Variants in AMPH observed in about 807,000 individuals in gnomAD.
AMPH encodes amphiphysin.
A neutral mutation model predicts 99.1 loss-of-function variants in AMPH; 49 were observed. The observed-to-expected ratio is 0.49, with a 90% CI of 0.39 to 0.63. The LOEUF (loss-of-function observed/expected upper bound fraction) is 0.63, where lower values mean the gene tolerates loss of function less well. Among genes scored for constraint, AMPH ranks in the 20% least tolerant of loss-of-function variants. The pLI, the probability that AMPH is intolerant of heterozygous loss-of-function variation, is 0.00. For missense variants in AMPH, 759 were observed against 863.4 expected, an observed-to-expected ratio of 0.88 and a Z score of 1.52; for synonymous variants, 314 against 317.3, an observed-to-expected ratio of 0.99 and a Z score of 0.11.
intron 16 of AMPH, among the ~76,000 whole-genome samples, chr7:38,420,453 G>A (rs988922815): frequency 1.2e-4 from 18 of 152,154 alleles, no homozygotes; most frequent in African/African-American, 4.3e-4. Context: ...GGAGTGCTGA[G>A]AATGATTTCC....
At position 38,461,273 on chromosome 7, in the gene AMPH, A is replaced by G. The variant is rs201791183; in HGVS notation, c.1017+10T>C. On this transcript the variant is annotated intron_variant, in intron 11 of 20. Coordinates refer to ENST00000356264, the MANE Select transcript of AMPH (RefSeq NM_001635.4). ...TTCATGGACATACCAGCCCTGAACC[A>G]GGCACTTACCTGGGAAGGTGTTGTC... 3.8e-3 allele frequency: 6,151 copies of G among 1,613,586 alleles called. 207 individuals carry two copies. The African/African-American group carries it at 0.073, about 19-fold the overall frequency.
intron 20 of AMPH, among the ~76,000 whole-genome samples, chr7:38,385,776 C>A (rs767718857): frequency 1.3e-5 from 2 of 152,148 alleles, no homozygotes; most frequent in Non-Finnish European, 2.9e-5. Context: ...AACTGAGAAA[C>A]AGAGGCTGTG....
At chr7:38,619,502 G>A (rs1793983783) in intron 1 of AMPH, among the ~76,000 whole-genome samples, 1 of 152,108 alleles carries the variant, frequency 6.6e-6, no homozygotes, top group Non-Finnish European at 1.5e-5. Context: ...CTAGATAGAA[G>A]ATCAACAAGA....
chr7:38,423,340 G>C (rs76395769), intron 15 of AMPH, among the ~76,000 whole-genome samples: 1 of 152,100 alleles, frequency 6.6e-6, no homozygotes, highest in African/African-American at 2.4e-5. Flanking sequence ...TGGTAGCCAG[G>C]CTTGCACCCT....
chr7:38,548,870 C>T (rs1023946466), intron 1 of AMPH, among the ~76,000 whole-genome samples: 3 of 150,804 alleles, frequency 2.0e-5, no homozygotes, highest in Admixed American at 6.6e-5. Flanking sequence ...TCTTTTATTA[C>T]GCAGTTGAGT....
intron 7 of AMPH, among the ~76,000 whole-genome samples, chr7:38,473,698 G>A (rs1332763802): frequency 3.6e-5 from 1 of 28,140 alleles, no homozygotes; most frequent in Non-Finnish European, 5.5e-5. Context: ...GCGACAGAGC[G>A]AGACTCCGTC....
intron 1 of AMPH, among the ~76,000 whole-genome samples, chr7:38,575,791 A>T (rs1469428450): frequency 6.6e-6 from 1 of 151,944 alleles, no homozygotes; most frequent in East Asian, 1.9e-4. Flanking sequence ...TGCTCCTTCC[A>T]CTTTGTTCAT....
chr7:38,601,189 A>T (rs1003480252), intron 1 of AMPH, among the ~76,000 whole-genome samples: 2 of 152,190 alleles, frequency 1.3e-5, no homozygotes, highest in African/African-American at 4.8e-5. Context: ...ATGTCCAGGC[A>T]TCCAAATGTC....
intron 2 of AMPH, among the ~76,000 whole-genome samples, chr7:38,515,309 C>T (rs1025550120): frequency 6.6e-6 from 1 of 152,124 alleles, no homozygotes; most frequent in Non-Finnish European, 1.5e-5. Flanking sequence ...GGAGGAGGGA[C>T]CTGTTGGGAG....
chr7:38,571,268 TA>T (rs1447218549), intron 1 of AMPH, among the ~76,000 whole-genome samples: 1 of 41,062 alleles, frequency 2.4e-5, no homozygotes, highest in Non-Finnish European at 4.3e-5. Context: ...AATATATATT[TA>T]TATATATATT....
At chr7:38,622,946 T>G in intron 1 of AMPH, among the ~76,000 whole-genome samples, 1 of 152,182 alleles carries the variant, frequency 6.6e-6, no homozygotes, top group East Asian at 1.9e-4. Flanking sequence ...ACTGTGCTCT[T>G]GTTCCCTGCA....
At chr7:38,486,795 T>C (rs1788515463) in intron 5 of AMPH, among the ~76,000 whole-genome samples, 1 of 152,106 alleles carries the variant, frequency 6.6e-6, no homozygotes, top group Admixed American at 6.6e-5. Flanking sequence ...ATTAATGTGA[T>C]ACACCACATT....
At chr7:38,441,757 A>ATGTCATATATATGATATATATCATATATC (rs1554336822) in intron 11 of AMPH, among the ~76,000 whole-genome samples, 7 of 113,458 alleles carry the variant, frequency 6.2e-5, no homozygotes, top group East Asian at 6.8e-4. Context: ...TATCATATAT[A>ATGTCATATATATGATATATATCATATATC]TATCATATAT....
At chr7:38,401,296 A>G (rs1323402983) in intron 17 of AMPH, among the ~76,000 whole-genome samples, 1 of 152,208 alleles carries the variant, frequency 6.6e-6, no homozygotes, top group African/African-American at 2.4e-5. Flanking sequence ...GTTTCTGCTC[A>G]ACATTATAAG....
Position 38,533,522 on chromosome 7 carries a change from T to A in AMPH, c.150+1409A>T, listed in dbSNP as rs1488945308. 6.6e-5 allele frequency among the ~76,000 whole-genome samples: 10 copies of A among 151,942 alleles called. No homozygotes were observed. In the East Asian group the frequency reaches 1.5e-3, roughly 23 times the overall value. ...GCTCCATACCTGCTGAAATGTATAA[T>A]CCCTCTTGGTAATGAAAAGAAATAG... On this transcript the variant is annotated intron_variant, in intron 2 of 20. Coordinates refer to ENST00000356264, the MANE Select transcript of AMPH (RefSeq NM_001635.4).
At chr7:38,516,967 T>C (rs1789771277) in intron 2 of AMPH, among the ~76,000 whole-genome samples, 4 of 152,214 alleles carry the variant, frequency 2.6e-5, no homozygotes. Flanking sequence ...AATTTATCCC[T>C]TTTGGAATGG....
In AMPH at chr7:38,494,523, C is replaced by T; in HGVS notation, c.210G>A (p.Met70Ile). ...CTGTGAGCTTCATGGAGGCCTCCTG[C>T]ATGCCTAGTGTTGGAGAGAAACAAC... ...LRGYLAAIKGMQEASMKLTES... is the reference protein window; with the variant it reads ...LRGYLAAIKGIQEASMKLTES... Residue 70 changes from methionine (M) to isoleucine (I), a missense_variant, in exon 4 of 21, where the codon ATG (methionine) becomes ATA (isoleucine). Physicochemically the swap from Met to Ile is conservative, Grantham distance 10. Around this residue, in one of 2 missense-constraint regions of AMPH, gnomAD observed 205 missense variants for 287.9 expected, o/e 0.71. Transcript: ENST00000356264. 9.3e-6 allele frequency: 15 copies of T among 1,613,620 alleles called. No individual in the cohort carries two copies. The highest frequency in any genetic ancestry group is 1.2e-5 in the Non-Finnish European group (14 of 1,179,634).
At chr7:38,595,552 A>G (rs1793022028) in intron 1 of AMPH, among the ~76,000 whole-genome samples, 1 of 152,146 alleles carries the variant, frequency 6.6e-6, no homozygotes. Context: ...GTGTCCAGAA[A>G]AGTCCAACTT....
chr7:38,454,799 G>A lies in AMPH; in HGVS notation c.1017+6484C>T, dbSNP rs550549006. On this transcript the variant is annotated intron_variant, in intron 11 of 20. Transcript: ENST00000356264. ...AGATGTTTATCGAAGTGCTGGTGAA[G>A]CAACAAAAAAGTTGGAAGCAACTTG... 3.3e-5 allele frequency among the ~76,000 whole-genome samples: 5 copies of A among 152,322 alleles called. No homozygotes were observed. In the East Asian group the frequency reaches 9.6e-4, roughly 29 times the overall value.
Sources: gnomAD v4.1 joint callset for allele counts (sites outside exome capture counted in the v4.1 genomes callset) on GRCh38, gnomAD v4.1.1 for gene constraint, gnomAD v4.1.1 regional missense constraint, MANE v1.5 for transcripts, NCBI Gene and HGNC (gene_info 2026-07-23, HGNC 2026-07-21) for gene names.